CDH18: variants seen among roughly 807,000 people sequenced by gnomAD.
CDH18 encodes the protein cadherin-18.
A neutral mutation model predicts 67.9 loss-of-function variants in CDH18; 31 were observed. The observed-to-expected ratio is 0.46, with a 90% confidence interval of 0.34 to 0.62. CDH18 has a LOEUF of 0.62. Ranked by LOEUF, CDH18 falls within the 20% of genes least tolerant of loss-of-function variation. CDH18 has a pLI of 0.01. For synonymous variants in CDH18, 362 were observed against 347.2 expected, an observed-to-expected ratio of 1.04 and a Z score of -0.48; for missense variants, 890 against 975.5, an observed-to-expected ratio of 0.91 and a Z score of 1.17.
intron 3 of CDH18, among the ~76,000 whole-genome samples, chr5:19,835,652 T>G (rs1395187141): frequency 6.6e-6 from 1 of 152,156 alleles, no homozygotes; most frequent in Non-Finnish European, 1.5e-5. Context: ...GTTTTTAGTT[T>G]TTAATTTTTA....
At chr5:20,378,767 T>C (rs768215055) in intron 1 of CDH18, among the ~76,000 whole-genome samples, 1 of 152,134 alleles carries the variant, frequency 6.6e-6, no homozygotes, top group Non-Finnish European at 1.5e-5. Flanking sequence ...ATTTTAGCAT[T>C]AATTTGGGTC....
At chr5:20,404,849 C>T (rs745386835) in intron 1 of CDH18, among the ~76,000 whole-genome samples, 29 of 151,996 alleles carry the variant, frequency 1.9e-4, no homozygotes, top group African/African-American at 4.8e-4. Flanking sequence ...ATATGTGAAG[C>T]GCAATAAAGT....
intron 3 of CDH18, among the ~76,000 whole-genome samples, chr5:19,818,814 T>C (rs892078323): frequency 1.9e-4 from 29 of 152,352 alleles, no homozygotes; most frequent in African/African-American, 6.5e-4. Context: ...CTTTCCATAG[T>C]TGACTGAAAT....
At chr5:19,860,054 G>A (rs1001046971) in intron 2 of CDH18, among the ~76,000 whole-genome samples, 1 of 149,264 alleles carries the variant, frequency 6.7e-6, no homozygotes, top group African/African-American at 2.5e-5. Flanking sequence ...AAATGTATCC[G>A]ATTAGGCATT....
intron 1 of CDH18, among the ~76,000 whole-genome samples, chr5:20,480,154 A>G (rs888258733): frequency 6.6e-6 from 1 of 152,192 alleles, no homozygotes; most frequent in Non-Finnish European, 1.5e-5. Flanking sequence ...CTCAGTCTGA[A>G]ATAAAATAAT....
At chr5:20,423,591 T>A (rs895174002) in intron 1 of CDH18, among the ~76,000 whole-genome samples, 2 of 150,838 alleles carry the variant, frequency 1.3e-5, no homozygotes, top group Non-Finnish European at 2.9e-5. Context: ...CGCAAAGAGA[T>A]GTGAAAAGAT....
At chr5:20,072,327 C>A (rs867343771) in intron 2 of CDH18, among the ~76,000 whole-genome samples, 31 of 152,132 alleles carry the variant, frequency 2.0e-4, no homozygotes, top group African/African-American at 7.0e-4. Context: ...GAGGATTATT[C>A]CACTCTACCA....
chr5:19,753,012 G>GA (rs1465155571), intron 3 of CDH18, among the ~76,000 whole-genome samples: 4 of 152,046 alleles, frequency 2.6e-5, no homozygotes, highest in Admixed American at 2.6e-4. Context: ...CACCCCATGT[G>GA]AAAAAAGAAT....
chr5:20,474,781 C>A (rs1264040893), intron 1 of CDH18, among the ~76,000 whole-genome samples: 1 of 152,128 alleles, frequency 6.6e-6, no homozygotes, highest in Non-Finnish European at 1.5e-5. Context: ...TGCAAGATAT[C>A]CTTTTATTAG....
chr5:19,495,717 C>CAAAAAAAAAAAA (rs749003068), intron 11 of CDH18, among the ~76,000 whole-genome samples: 108 of 46,360 alleles, frequency 2.3e-3, no homozygotes, highest in East Asian at 6.9e-3. Context: ...GAAACTGTCT[C>CAAAAAAAAAAAA]AAAAAAAAAA....
At chr5:19,648,050 G>A (rs1453626828) in intron 5 of CDH18, among the ~76,000 whole-genome samples, 1 of 151,376 alleles carries the variant, frequency 6.6e-6, no homozygotes, top group African/African-American at 2.4e-5. Flanking sequence ...TACCATTGAG[G>A]TGAAGTCTTA....
At position 20,275,174 on chromosome 5, in the gene CDH18, C is replaced by T. The variant is rs191140117; in HGVS notation, c.-579-19669G>A. Among the ~76,000 whole-genome samples the T allele has an allele frequency of 3.3e-3, 500 of 152,066 alleles. 2 individuals carry two copies. The highest frequency in any genetic ancestry group is 3.5e-3 in the Non-Finnish European group (241 of 67,990). ...CACTTGATATGATTCGGCTTTGTGT[C>T]TCTGCCCAAATCTCATGGCAAATTG... On this transcript the variant is annotated intron_variant, in intron 1 of 14. Transcript: ENST00000507958.
chr5:19,915,829 C>T (rs1287988513), intron 2 of CDH18, among the ~76,000 whole-genome samples: 4 of 151,688 alleles, frequency 2.6e-5, no homozygotes, highest in East Asian at 1.9e-4. Context: ...TTAAAGGAGG[C>T]AATGCTTACT....
At chr5:20,523,080 T>C (rs950288373) in intron 1 of CDH18, among the ~76,000 whole-genome samples, 10 of 152,334 alleles carry the variant, frequency 6.6e-5, no homozygotes, top group East Asian at 1.9e-4. Context: ...CAGTTCATTT[T>C]TATGCACAGT....
At chr5:20,267,091 T>C (rs540566537) in intron 1 of CDH18, among the ~76,000 whole-genome samples, 81 of 152,330 alleles carry the variant, frequency 5.3e-4, no homozygotes, top group African/African-American at 1.9e-3. Flanking sequence ...GTATTCATGG[T>C]TCAGATAGTT....
rs562561997 is a variant in CDH18 at position 20,205,835 on chromosome 5, T to C, written c.-518+49609A>G. On this transcript the variant is annotated intron_variant, in intron 2 of 14. Transcript: ENST00000507958. ...TGTAAATACAACACCGCAAAATCCA[T>C]GGGATATGGCAAAAGCAGTACTAAG... 2.2e-3 allele frequency among the ~76,000 whole-genome samples: 336 copies of C among 151,684 alleles called. 3 individuals are homozygous for C. The highest frequency in any genetic ancestry group is 7.6e-3 in the African/African-American group (314 of 41,442).
At chr5:19,774,674 T>C (rs1040847456) in intron 3 of CDH18, among the ~76,000 whole-genome samples, 3 of 149,924 alleles carry the variant, frequency 2.0e-5, no homozygotes, top group Non-Finnish European at 4.5e-5. Context: ...ATACAAAAAT[T>C]AGCCGTGTGG....
At chr5:20,084,246 G>A (rs1744745940) in intron 2 of CDH18, among the ~76,000 whole-genome samples, 1 of 152,334 alleles carries the variant, frequency 6.6e-6, no homozygotes, top group East Asian at 1.9e-4. Context: ...TCCCATGCAA[G>A]TCTGAAATCC....
At chr5:19,649,438 T>C (rs769139387) in intron 5 of CDH18, among the ~76,000 whole-genome samples, 1 of 152,090 alleles carries the variant, frequency 6.6e-6, no homozygotes, top group Non-Finnish European at 1.5e-5. Context: ...AGATTTTTTC[T>C]ACCTTTGCAT....
Sources: allele counts gnomAD v4.1 joint callset (sites outside exome capture counted in the v4.1 genomes callset), GRCh38; gene constraint gnomAD v4.1.1; transcripts MANE v1.5; gene names NCBI Gene and HGNC (gene_info 2026-07-23, HGNC 2026-07-21).